ATRNL1: variants seen among roughly 807,000 people sequenced by gnomAD.
ATRNL1 encodes the protein attractin like 1.
A neutral mutation model predicts 182.7 loss-of-function variants in ATRNL1; 95 were observed. That is an observed-to-expected ratio of 0.52 (90% confidence interval 0.44 to 0.62). ATRNL1 has a LOEUF of 0.62. Ranked by LOEUF, ATRNL1 falls within the 20% of genes least tolerant of loss-of-function variation. The probability of loss-of-function intolerance (pLI) is 0.00; values close to 1 mark genes in which losing one functional copy is unlikely to be tolerated. For synonymous variants in ATRNL1, 576 were observed against 568.3 expected (o/e 1.01, Z -0.19); for missense variants, 1,471 against 1,679.5 (o/e 0.88, Z 2.17).
chr10:115,625,173 A>G (rs1858012770), intron 26 of ATRNL1, among the ~76,000 whole-genome samples: 1 of 152,186 alleles, frequency 6.6e-6, no homozygotes. Flanking sequence ...GCTGCCTTTA[A>G]TAAGGAAAAT....
At chr10:115,728,720 A>G (rs576136684) in intron 27 of ATRNL1, among the ~76,000 whole-genome samples, 73 of 152,312 alleles carry the variant, frequency 4.8e-4, no homozygotes, top group Admixed American at 7.8e-4. Flanking sequence ...ATGTTTCCCT[A>G]TGATTTTTAA....
At chr10:115,685,793 T>C (rs1023280372) in intron 26 of ATRNL1, among the ~76,000 whole-genome samples, 2 of 151,834 alleles carry the variant, frequency 1.3e-5, no homozygotes, top group African/African-American at 4.8e-5. Flanking sequence ...ATGCTTTTGT[T>C]AAGTCCAAGA....
At chr10:115,579,476 CCTT>C (rs1378624008) in intron 26 of ATRNL1, among the ~76,000 whole-genome samples, 10 of 151,788 alleles carry the variant, frequency 6.6e-5, no homozygotes, top group Non-Finnish European at 1.3e-4. Flanking sequence ...TTATCGTTGA[CCTT>C]CTTTGTCACT....
At chr10:115,402,762 C>T (rs1844625073) in intron 20 of ATRNL1, among the ~76,000 whole-genome samples, 1 of 152,110 alleles carries the variant, frequency 6.6e-6, no homozygotes, top group African/African-American at 2.4e-5. Flanking sequence ...ATAACTGGCT[C>T]CCCTTTTCTG....
At chr10:115,295,043 A>G (rs1307496820) in intron 15 of ATRNL1, among the ~76,000 whole-genome samples, 1 of 152,158 alleles carries the variant, frequency 6.6e-6, no homozygotes, top group Non-Finnish European at 1.5e-5. Flanking sequence ...GAGCATAGGC[A>G]TGCAGTCACT....
At chr10:115,405,798 C>A (rs1422006825) in intron 20 of ATRNL1, among the ~76,000 whole-genome samples, 3 of 150,722 alleles carry the variant, frequency 2.0e-5, no homozygotes, top group Admixed American at 2.0e-4. Flanking sequence ...CCCAGTAACT[C>A]GTCATTTAAC....
intron 28 of ATRNL1, among the ~76,000 whole-genome samples, chr10:115,917,967 G>T (rs1056386182): frequency 4.6e-5 from 7 of 152,044 alleles, no homozygotes; most frequent in Admixed American, 4.6e-4. Context: ...TAGTAAATAA[G>T]AGGTCCCAGA....
In ATRNL1 at chr10:115,499,200, A is replaced by G. The variant is rs1286676756; in HGVS notation, c.3655-20063A>G. ...GTTTTGTTTTCTAACATTTATAACA[A>G]TATTTTTTTGACAAAAATAGGTTTT... On this transcript the variant is annotated intron_variant, in intron 24 of 28. Coordinates refer to ENST00000355044, the MANE Select transcript of ATRNL1 (RefSeq NM_207303.4). Among the ~76,000 whole-genome samples the G allele has an allele frequency of 3.3e-5, 5 of 152,266 alleles. No individual in the cohort carries two copies. The East Asian group carries it at 7.7e-4, about 23-fold the overall frequency.
chr10:115,932,607 C>A (rs547924360), intron 28 of ATRNL1, among the ~76,000 whole-genome samples: 5 of 152,140 alleles, frequency 3.3e-5, no homozygotes, highest in South Asian at 2.1e-4. Flanking sequence ...TTGCCATGAT[C>A]TAGTTTTATA....
intron 26 of ATRNL1, among the ~76,000 whole-genome samples, chr10:115,683,007 G>A (rs1221552745): frequency 6.6e-6 from 1 of 151,950 alleles, no homozygotes; most frequent in Non-Finnish European, 1.5e-5. Context: ...TGTAAAAGGG[G>A]GATGGGGAAA....
At chr10:115,644,276 A>T (rs1859457581) in intron 26 of ATRNL1, among the ~76,000 whole-genome samples, 1 of 152,276 alleles carries the variant, frequency 6.6e-6, no homozygotes, top group Non-Finnish European at 1.5e-5. Context: ...TTTGTGTTAC[A>T]GAAAAACATT....
chr10:115,575,546 C>G (rs1854649316), intron 26 of ATRNL1, among the ~76,000 whole-genome samples: 1 of 152,070 alleles, frequency 6.6e-6, no homozygotes, highest in African/African-American at 2.4e-5. Flanking sequence ...ATTTGCCGTT[C>G]CTGTTAGTGT....
chr10:115,749,064 A>G (rs1351494566), intron 27 of ATRNL1, among the ~76,000 whole-genome samples: 2 of 151,950 alleles, frequency 1.3e-5, no homozygotes, highest in Non-Finnish European at 2.9e-5. Flanking sequence ...AAGATGAACC[A>G]CAGAGCTCAA....
At chr10:115,579,970 C>T (rs1854968966) in intron 26 of ATRNL1, among the ~76,000 whole-genome samples, 1 of 152,018 alleles carries the variant, frequency 6.6e-6, no homozygotes, top group Non-Finnish European at 1.5e-5. Flanking sequence ...CTTAACTTCA[C>T]TTGCATGCCA....
At chr10:115,864,929 C>T (rs1951402210) in intron 28 of ATRNL1, among the ~76,000 whole-genome samples, 1 of 151,490 alleles carries the variant, frequency 6.6e-6, no homozygotes, top group African/African-American at 2.4e-5. Flanking sequence ...TTGCAGTGAG[C>T]CGAGATGGTG....
At chr10:115,916,331 C>A (rs1952848663) in intron 28 of ATRNL1, among the ~76,000 whole-genome samples, 1 of 152,226 alleles carries the variant, frequency 6.6e-6, no homozygotes, top group Non-Finnish European at 1.5e-5. Context: ...TAAATTCCTA[C>A]AATGCCTATT....
chr10:115,176,121 T>C (rs1192667667), intron 8 of ATRNL1, among the ~76,000 whole-genome samples: 2 of 152,198 alleles, frequency 1.3e-5, no homozygotes, highest in African/African-American at 4.8e-5. Context: ...TTGAGAAGTG[T>C]CTGTTCATAT....
At chr10:115,159,978 G>A in intron 5 of ATRNL1, 62 bp from the exon 6 acceptor site, 1 of 1,235,974 alleles carries the variant, frequency 8.1e-7, no homozygotes, top group African/African-American at 1.6e-5. Flanking sequence ...TCCATATGTT[G>A]TATTTCTATA....
intron 3 of ATRNL1, among the ~76,000 whole-genome samples, chr10:115,126,688 T>C (rs1025673017): frequency 2.0e-5 from 3 of 152,232 alleles, no homozygotes; most frequent in Non-Finnish European, 2.9e-5. Flanking sequence ...GTGTCAAATA[T>C]GATTTGAATG....
Sources: gnomAD v4.1 joint callset for allele counts (sites outside exome capture counted in the v4.1 genomes callset) on GRCh38, gnomAD v4.1.1 for gene constraint, MANE v1.5 for transcripts, NCBI Gene and HGNC (gene_info 2026-07-23, HGNC 2026-07-21) for gene names.